The following GLI2 variants were observed in gnomAD, a reference collection of about 807,000 sequenced individuals.
The protein encoded by GLI2 is GLI family zinc finger 2.
In GLI2, 22 loss-of-function variants were observed where a neutral mutation model predicts 78.9. That is an observed-to-expected ratio of 0.28 (90% CI 0.20 to 0.40). GLI2 has a LOEUF of 0.40. Ranked by LOEUF, GLI2 falls within the 10% of genes least tolerant of loss-of-function variation. The pLI is 1.00. For synonymous variants in GLI2, 974 were observed against 963.7 expected (o/e 1.01, Z -0.20); for missense variants, 2,097 against 2,213.2 (o/e 0.95, Z 1.05).
At chr2:120,973,980 G>A (rs964387820) in intron 8 of GLI2, among the ~76,000 whole-genome samples, 86 of 152,266 alleles carry the variant, frequency 5.6e-4, no homozygotes, top group African/African-American at 2.0e-3. Context: ...GAGCCAGTGG[G>A]GGTTAGGCCT....
intron 1 of GLI2, among the ~76,000 whole-genome samples, chr2:120,781,075 T>C (rs1380652672): frequency 6.6e-6 from 1 of 152,168 alleles, no homozygotes; most frequent in Non-Finnish European, 1.5e-5. Flanking sequence ...TCTTTCACCT[T>C]GCTCCATAGT....
intron 2 of GLI2, among the ~76,000 whole-genome samples, chr2:120,819,908 G>C: frequency 6.6e-6 from 1 of 152,178 alleles, no homozygotes; most frequent in East Asian, 1.9e-4. Context: ...CTTCTTGGAG[G>C]AGGCCAGACC....
At chr2:120,755,735 A>G (rs1183835085) in intron 1 of GLI2, among the ~76,000 whole-genome samples, 2 of 151,822 alleles carry the variant, frequency 1.3e-5, no homozygotes, top group East Asian at 1.9e-4. Flanking sequence ...AATTTAATAT[A>G]TGATATATAT....
intron 2 of GLI2, among the ~76,000 whole-genome samples, chr2:120,927,100 C>T (rs76088413): frequency 5.4e-4 from 82 of 152,338 alleles, no homozygotes; most frequent in African/African-American, 1.8e-3. Context: ...GTAATCTCCC[C>T]GAGTTCAAAG....
intron 2 of GLI2, among the ~76,000 whole-genome samples, chr2:120,850,633 G>A (rs1052029804): frequency 6.6e-6 from 1 of 152,226 alleles, no homozygotes; most frequent in African/African-American, 2.4e-5. Context: ...AGAAGGGAAT[G>A]ATAGCAAGGC....
chr2:120,778,887 C>A (rs1463066745), intron 1 of GLI2, among the ~76,000 whole-genome samples: 7 of 152,172 alleles, frequency 4.6e-5, no homozygotes, highest in Non-Finnish European at 7.3e-5. Flanking sequence ...GAAGGTGTAA[C>A]CCTGGGTTGA....
At chr2:120,757,073 C>T (rs150963571) in intron 1 of GLI2, among the ~76,000 whole-genome samples, 5 of 152,220 alleles carry the variant, frequency 3.3e-5, no homozygotes, top group East Asian at 1.9e-4. Context: ...TTGATTGGGT[C>T]GTTTTGTATC....
chr2:120,808,440 G>A (rs1170020505), intron 2 of GLI2, among the ~76,000 whole-genome samples: 2 of 152,300 alleles, frequency 1.3e-5, no homozygotes, highest in East Asian at 1.9e-4. Flanking sequence ...AGCTGGAGAG[G>A]GCCAGGCTTC....
At chr2:120,862,184 G>A (rs546618256) in intron 2 of GLI2, among the ~76,000 whole-genome samples, 3 of 152,202 alleles carry the variant, frequency 2.0e-5, no homozygotes, top group Admixed American at 6.5e-5. Context: ...GGAAATTATC[G>A]CATAGAGGGC....
intron 1 of GLI2, among the ~76,000 whole-genome samples, chr2:120,781,513 G>A (rs1683847160): frequency 6.6e-6 from 1 of 152,176 alleles, no homozygotes; most frequent in Admixed American, 6.5e-5. Context: ...TCGATTTATA[G>A]TTTCTCCTAA....
intron 2 of GLI2, among the ~76,000 whole-genome samples, chr2:120,825,028 G>T (rs1484893881): frequency 2.0e-5 from 3 of 152,078 alleles, no homozygotes; most frequent in East Asian, 1.9e-4. Flanking sequence ...TAGAGACAGG[G>T]TTTCAACTTG....
intron 2 of GLI2, among the ~76,000 whole-genome samples, chr2:120,893,305 A>G (rs1315766330): frequency 1.3e-5 from 2 of 152,152 alleles, no homozygotes; most frequent in African/African-American, 4.8e-5. Flanking sequence ...AGTTCTTTTC[A>G]AACCCTGGTG....
At position 120,828,558 on chromosome 2, in the gene GLI2, C is replaced by T. The variant is rs1268729968; in HGVS notation, c.148+31090C>T. ...CTCCCTTTTGCCCTTGCAGCTTGCA[C>T]AGGTCTGTGAAGCTATTAAACCTTC... On this transcript the variant is annotated intron_variant, in intron 2 of 13. Transcript: ENST00000361492. Among the ~76,000 whole-genome samples, 4 of 152,204 alleles carry T rather than the reference C, an allele frequency of 2.6e-5. No individual in the cohort carries two copies. The East Asian group carries it at 7.7e-4, about 29-fold the overall frequency.
At chr2:120,964,782 G>T (rs981433936) in intron 5 of GLI2, among the ~76,000 whole-genome samples, 1 of 152,254 alleles carries the variant, frequency 6.6e-6, no homozygotes, top group Non-Finnish European at 1.5e-5. Context: ...GAAAGTGGGA[G>T]GTCGAAAAGT....
At chr2:120,889,949 C>T (rs1031650845) in intron 2 of GLI2, among the ~76,000 whole-genome samples, 3 of 152,214 alleles carry the variant, frequency 2.0e-5, no homozygotes, top group Non-Finnish European at 4.4e-5. Context: ...CCAACAGTTA[C>T]ACCCTTGGGC....
At chr2:120,870,117 G>A (rs967386781) in intron 2 of GLI2, among the ~76,000 whole-genome samples, 10 of 152,162 alleles carry the variant, frequency 6.6e-5, no homozygotes, top group Non-Finnish European at 7.4e-5. Context: ...GGTCTCACCC[G>A]TGCTCCCTCA....
At chr2:120,987,425 A>G (rs1683030427) in intron 13 of GLI2, among the ~76,000 whole-genome samples, 1 of 152,152 alleles carries the variant, frequency 6.6e-6, no homozygotes, top group Non-Finnish European at 1.5e-5. Flanking sequence ...GCATGCAATG[A>G]CTGGTCACTG....
chr2:120,804,585 T>TGGA (rs3053835), intron 2 of GLI2, among the ~76,000 whole-genome samples: 93,062 of 151,904 alleles, frequency 0.61, 28,678 homozygotes, highest in South Asian at 0.7. Flanking sequence ...GCCTTGGACC[T>TGGA]GATGCACCCA....
At chr2:120,970,086 G>A (rs747061047) in intron 6 of GLI2, among the ~76,000 whole-genome samples, 19 of 152,180 alleles carry the variant, frequency 1.2e-4, no homozygotes, top group Non-Finnish European at 2.2e-4. Flanking sequence ...ACAGACATGC[G>A]TCTAGGTATC....
Sources: gnomAD v4.1 joint callset for allele counts (sites outside exome capture counted in the v4.1 genomes callset) on GRCh38, gnomAD v4.1.1 for gene constraint, MANE v1.5 for transcripts, NCBI Gene and HGNC (gene_info 2026-07-23, HGNC 2026-07-21) for gene names.